PACRG: variants seen among roughly 807,000 people sequenced by gnomAD.
The protein encoded by PACRG is parkin coregulated gene protein.
A neutral mutation model predicts 29.7 loss-of-function variants in PACRG; 29 were observed. The ratio of observed to expected loss-of-function variants is 0.98; its 90% CI spans 0.73 to 1.33. The LOEUF (loss-of-function observed/expected upper bound fraction) is 1.33, where lower values mean the gene tolerates loss of function less well. Among genes scored for constraint, PACRG ranks in the 40% most tolerant of loss-of-function variants. The pLI, the probability that PACRG is intolerant of heterozygous loss-of-function variation, is 0.00. For synonymous variants in PACRG, 116 were observed against 118.7 expected (o/e 0.98, Z 0.15); for missense variants, 279 against 316.2 (o/e 0.88, Z 0.89).
intron 4 of PACRG, among the ~76,000 whole-genome samples, chr6:163,200,655 C>T (rs149751412): frequency 4.0e-4 from 61 of 152,122 alleles, no homozygotes; most frequent in South Asian, 3.7e-3. Flanking sequence ...AACCTTTTAA[C>T]GTTGGAAGTG....
At chr6:163,046,800 G>A (rs752205756) in intron 2 of PACRG, 2 of 151,810 alleles carry the variant, frequency 1.3e-5, no homozygotes, top group Non-Finnish European at 2.9e-5. Flanking sequence ...TATAACTATT[G>A]TAGCTATTCA....
intron 2 of PACRG, among the ~76,000 whole-genome samples, chr6:162,913,867 T>C (rs981618300): frequency 1.3e-5 from 2 of 152,212 alleles, no homozygotes; most frequent in Admixed American, 6.5e-5. Context: ...TTTAGTGTGC[T>C]TATATATCTT....
chr6:162,876,019 A>G (rs1278113034), intron 2 of PACRG, among the ~76,000 whole-genome samples: 1 of 152,198 alleles, frequency 6.6e-6, no homozygotes, highest in Non-Finnish European at 1.5e-5. Context: ...GCCGAAGATT[A>G]CAAAAGGCCT....
chr6:162,826,740 G>A (rs1441380916), intron 2 of PACRG, among the ~76,000 whole-genome samples: 4 of 152,110 alleles, frequency 2.6e-5, no homozygotes, highest in Non-Finnish European at 5.9e-5. Context: ...TGGGATTAGC[G>A]ACGTGAGCCA....
At position 162,853,332 on chromosome 6, in the gene PACRG, CTG is replaced by C. The variant is rs1476463244; in HGVS notation, c.291+39053_291+39054del. Among the ~76,000 whole-genome samples the C allele has an allele frequency of 6.6e-5, 10 of 152,288 alleles. No individual in the cohort carries two copies. The highest frequency in any genetic ancestry group is 1.5e-4 in the Non-Finnish European group (10 of 68,016). ...CTCCTTGGAGATCAGGCAGAAAATT[CTG>C]TCTTTTGCTTTTCTTTGCAATACCT... On this transcript the variant is annotated intron_variant, in intron 2 of 4. Transcript: ENST00000366888. The surrounding 1 kb of genome is among the most constrained non-coding windows in gnomAD (Gnocchi z 4.7).
chr6:163,147,169 G>A (rs528766919), intron 4 of PACRG, among the ~76,000 whole-genome samples: 1 of 152,162 alleles, frequency 6.6e-6, no homozygotes, highest in African/African-American at 2.4e-5. Flanking sequence ...ACCATGTGCT[G>A]AACTCTGCAC....
chr6:163,117,036 A>T (rs1301151401), intron 4 of PACRG, among the ~76,000 whole-genome samples: 1 of 152,190 alleles, frequency 6.6e-6, no homozygotes, highest in Admixed American at 6.5e-5. Flanking sequence ...GAAGAGTTTC[A>T]TCCAAAAGCT....
chr6:163,024,547 T>C (rs1301830385), intron 2 of PACRG, among the ~76,000 whole-genome samples: 1 of 152,204 alleles, frequency 6.6e-6, no homozygotes, highest in Non-Finnish European at 1.5e-5. Context: ...AGAAGCGCTT[T>C]GGCTATTCAG....
intron 2 of PACRG, among the ~76,000 whole-genome samples, chr6:163,001,153 T>C (rs1379148578): frequency 2.6e-5 from 4 of 152,212 alleles, no homozygotes; most frequent in African/African-American, 4.8e-5. Context: ...CAGTGTAAGC[T>C]GAAGACTCTG....
At chr6:162,882,810 T>C (rs1794008409) in intron 2 of PACRG, among the ~76,000 whole-genome samples, 1 of 152,236 alleles carries the variant, frequency 6.6e-6, no homozygotes, top group African/African-American at 2.4e-5. Flanking sequence ...CCTTCGTGAA[T>C]TATTTCCATT....
chr6:162,743,783 TGC>T (rs765847403), intron 1 of PACRG, among the ~76,000 whole-genome samples: 32 of 152,332 alleles, frequency 2.1e-4, no homozygotes, highest in Non-Finnish European at 3.1e-4. Flanking sequence ...TTCTCAGAGT[TGC>T]ACGTATATCA....
At chr6:163,244,252 C>G (rs555801284) in intron 4 of PACRG, among the ~76,000 whole-genome samples, 191 of 152,144 alleles carry the variant, frequency 1.3e-3, no homozygotes, top group African/African-American at 4.5e-3. Flanking sequence ...TTTCTTAAGT[C>G]TCTTTCTTAA....
intron 1 of PACRG, among the ~76,000 whole-genome samples, chr6:162,758,570 A>T (rs1231849573): frequency 2.0e-5 from 3 of 152,178 alleles, no homozygotes; most frequent in Admixed American, 2.0e-4. Context: ...TGTTGTGCAT[A>T]TTCAGAAGCA....
At chr6:163,085,770 T>C (rs1037654743) in intron 3 of PACRG, among the ~76,000 whole-genome samples, 4 of 152,220 alleles carry the variant, frequency 2.6e-5, no homozygotes, top group African/African-American at 7.2e-5. Flanking sequence ...TGGGACTTGA[T>C]TGTCTGCTTA....
intron 2 of PACRG, among the ~76,000 whole-genome samples, chr6:163,036,401 A>C (rs1484856264): frequency 6.6e-6 from 1 of 152,202 alleles, no homozygotes; most frequent in East Asian, 1.9e-4. Flanking sequence ...CATAACACAT[A>C]ACCCTGGAAT....
chr6:163,098,040 G>A (rs1189345649), intron 4 of PACRG, among the ~76,000 whole-genome samples: 3 of 152,162 alleles, frequency 2.0e-5, no homozygotes, highest in Non-Finnish European at 4.4e-5. Context: ...TACTTTGTCT[G>A]TCATGTGAGG....
At chr6:163,201,223 G>T (rs1780684986) in intron 4 of PACRG, among the ~76,000 whole-genome samples, 1 of 152,212 alleles carries the variant, frequency 6.6e-6, no homozygotes, top group Admixed American at 6.5e-5. Flanking sequence ...TTAATTTACA[G>T]AAAGTGTCAC....
intron 4 of PACRG, among the ~76,000 whole-genome samples, chr6:163,149,357 C>T (rs76592503): frequency 0.14 from 21,163 of 152,146 alleles, 1,687 homozygotes; most frequent in Middle Eastern, 0.21. Context: ...CCCGTCTGCC[C>T]TCCTCGCTCA....
intron 4 of PACRG, among the ~76,000 whole-genome samples, chr6:163,226,411 T>C (rs1781799635): frequency 6.6e-6 from 1 of 152,250 alleles, no homozygotes; most frequent in East Asian, 1.9e-4. Flanking sequence ...AAGCTTGATG[T>C]AATCATCCCA....
Sources: allele counts gnomAD v4.1 joint callset (sites outside exome capture counted in the v4.1 genomes callset), GRCh38; gene constraint gnomAD v4.1.1; non-coding constraint Gnocchi (gnomAD v3.1); transcripts MANE v1.5; gene names NCBI Gene and HGNC (gene_info 2026-07-23, HGNC 2026-07-21).